PPP1R37: variants seen among roughly 807,000 people sequenced by gnomAD.
PPP1R37 encodes the protein protein phosphatase 1 regulatory subunit 37, also known as leucine rich repeat containing 68.
PPP1R37 carries 21 observed loss-of-function variants against 61.0 expected under a neutral mutation model. That is an observed-to-expected ratio of 0.34 (90% confidence interval 0.24 to 0.50). PPP1R37 has a LOEUF of 0.50. PPP1R37 is among the 20% of genes least tolerant of loss of function. PPP1R37 has a pLI of 0.98. For missense variants in PPP1R37, 910 were observed against 952.7 expected, an observed-to-expected ratio of 0.96 and a Z score of 0.59; for synonymous variants, 443 against 433.5, an observed-to-expected ratio of 1.02 and a Z score of -0.27.
At chr19:45,133,004 C>G (rs951301988) in intron 1 of PPP1R37, among the ~76,000 whole-genome samples, 1 of 152,232 alleles carries the variant, frequency 6.6e-6, no homozygotes, top group South Asian at 2.1e-4. Context: ...AGGCACGGGT[C>G]ACATTGCTTT....
In PPP1R37 at chr19:45,144,867, G is replaced by T. The variant is rs756926980; in HGVS notation, c.1001G>T (p.Ser334Ile). 1.1e-5 allele frequency: 17 copies of T among 1,534,118 alleles called. No homozygotes were observed. The highest frequency in any genetic ancestry group is 9.6e-5 in the South Asian group (8 of 83,682). ...CCCTCCCTCCAGCCGCACACTCAGA[G>T]CCTGGAGACGCTGAACCTGGGCCAC... ...FLGMTLPHTQ[S>I]LETLNLGHNP... The change falls in exon 9 of 13, where the codon AGC (serine) becomes ATC (isoleucine). Residue 334 changes from serine to isoleucine, a missense_variant. This residue lies in a region of PPP1R37 where 549 missense variants were observed against 505.1 expected (regional missense o/e 1.09). Transcript: ENST00000221462.
chr19:45,119,218 G>A (rs1431245087), intron 1 of PPP1R37, among the ~76,000 whole-genome samples: 11 of 149,370 alleles, frequency 7.4e-5, no homozygotes, highest in Admixed American at 6.7e-4. Context: ...GCAGTGACAC[G>A]ATCTCAGCTC....
Position 45,117,719 on chromosome 19 carries a change from G to A in PPP1R37, c.203-20795G>A, listed in dbSNP as rs140735539. 6.2e-3 allele frequency among the ~76,000 whole-genome samples: 952 copies of A among 152,340 alleles called. 8 individuals carry two copies. Among genetic ancestry groups the A allele is most frequent in the African/African-American group, 0.021 (891 of 41,584 alleles). On this transcript the variant is annotated intron_variant, in intron 1 of 12. Coordinates refer to ENST00000221462, the MANE Select transcript of PPP1R37 (RefSeq NM_019121.2). ...GATTGTCCCAGCCATCCCACCCAAG[G>A]CAGGGACAGGCCAGTGGGGCTACCC...
At chr19:45,134,183 T>A (rs552229044) in intron 1 of PPP1R37, among the ~76,000 whole-genome samples, 1 of 152,034 alleles carries the variant, frequency 6.6e-6, no homozygotes, top group South Asian at 2.1e-4. Flanking sequence ...TTTTCTGAAA[T>A]TTTTTTTGTA....
At chr19:45,128,896 G>A in intron 1 of PPP1R37, 1 of 677,774 alleles carries the variant, frequency 1.5e-6, no homozygotes, top group South Asian at 1.4e-5. Flanking sequence ...AGGTGCGAGA[G>A]GACCTTCTTC....
chr19:45,132,342 A>G lies in PPP1R37; in HGVS notation c.203-6172A>G, dbSNP rs185844028. ...TTTTTTTTTAAGAGAGTCTCACTCTATTGCCCAGGCTGGAGTACAGCGACA... is the reference window on the plus strand; with the variant it reads ...TTTTTTTTTAAGAGAGTCTCACTCTGTTGCCCAGGCTGGAGTACAGCGACA... On this transcript the variant is annotated intron_variant, in intron 1 of 12. Transcript: ENST00000221462. Among the ~76,000 whole-genome samples, 276 of 151,994 alleles carry G rather than the reference A, an allele frequency of 1.8e-3. 2 individuals are homozygous for G. The highest frequency in any genetic ancestry group is 5.7e-3 in the African/African-American group (235 of 41,450).
chr19:45,107,271 A>C (rs1968144307), intron 1 of PPP1R37, among the ~76,000 whole-genome samples: 1 of 151,918 alleles, frequency 6.6e-6, no homozygotes, highest in South Asian at 2.1e-4. Flanking sequence ...AGAGTTCGCG[A>C]CCAGCCTGGG....
intron 1 of PPP1R37, chr19:45,108,810 T>C (rs2122716818): frequency 6.6e-6 from 1 of 151,400 alleles, no homozygotes; most frequent in South Asian, 2.1e-4. Flanking sequence ...CCCGGCTAAT[T>C]TTGTATGTTT....
At chr19:45,115,751 G>T (rs537564220) in intron 1 of PPP1R37, among the ~76,000 whole-genome samples, 1 of 152,264 alleles carries the variant, frequency 6.6e-6, no homozygotes, top group Admixed American at 6.5e-5. Flanking sequence ...GAGGCGGGTG[G>T]ATCATCTGAG....
intron 1 of PPP1R37, among the ~76,000 whole-genome samples, chr19:45,126,163 A>T (rs896637474): frequency 6.6e-6 from 1 of 152,226 alleles, no homozygotes; most frequent in Non-Finnish European, 1.5e-5. Context: ...CTCACCTGCC[A>T]TGAGACTCCC....
In PPP1R37 at chr19:45,145,583, G is replaced by A. The variant is rs937602763; in HGVS notation, c.1527G>A (p.Ser509=). Residue 509 remains serine, a synonymous_variant, in exon 11 of 13, where the codon TCG becomes TCA. Transcript: ENST00000221462. ...CCAGCCCGGACTCAGACTCAGACTCGGACTCGGATGGGGAGGAAGAGGAGG... is the reference window on the plus strand; with the variant it reads ...CCAGCCCGGACTCAGACTCAGACTCAGACTCGGATGGGGAGGAAGAGGAGG... ...PAPSPDSDSD[S]DSDGEEEEEE... 7 of 1,535,728 alleles carry A rather than the reference G, an allele frequency of 4.6e-6. No homozygotes were observed. Among genetic ancestry groups the A allele is most frequent in the African/African-American group, 1.4e-5 (1 of 72,970 alleles).
In PPP1R37 at chr19:45,145,132, C is replaced by T. The variant is rs895090819; in HGVS notation, c.1168C>T (p.Arg390Cys). 7 of 1,534,712 alleles carry T rather than the reference C, an allele frequency of 4.6e-6. No homozygotes were observed. The highest frequency in any genetic ancestry group is 6.1e-6 in the Non-Finnish European group (7 of 1,146,228). Reference protein sequence around the residue: ...AVAEFIAESPRLLRLDLRENE... With the variant: ...AVAEFIAESPCLLRLDLRENE... ...GGCGGAGTTCATCGCTGAGAGCCCCCGCCTCCTGAGACTGGACCTTCGGGA... is the reference window on the plus strand; with the variant it reads ...GGCGGAGTTCATCGCTGAGAGCCCCTGCCTCCTGAGACTGGACCTTCGGGA... Residue 390 changes from arginine to cysteine, a missense_variant, in exon 10 of 13, where the codon CGC becomes TGC. Coordinates refer to ENST00000221462, the MANE Select transcript of PPP1R37 (RefSeq NM_019121.2).
At chr19:45,101,275 G>A (rs943114153) in intron 1 of PPP1R37, among the ~76,000 whole-genome samples, 1 of 152,228 alleles carries the variant, frequency 6.6e-6, no homozygotes, top group Admixed American at 6.5e-5. Context: ...AAGGCAGAGA[G>A]AACCAGCCTG....
At chr19:45,098,271 C>G (rs939602955) in intron 1 of PPP1R37, among the ~76,000 whole-genome samples, 3 of 152,236 alleles carry the variant, frequency 2.0e-5, no homozygotes, top group Non-Finnish European at 4.4e-5. Context: ...GACCCTTCAG[C>G]TCTTCTGAAG....
chr19:45,099,859 C>T (rs564812864), intron 1 of PPP1R37, among the ~76,000 whole-genome samples: 14 of 152,220 alleles, frequency 9.2e-5, no homozygotes, highest in Non-Finnish European at 1.9e-4. Context: ...GACGAGGACT[C>T]TTTCTCAGGG....
In PPP1R37 at chr19:45,145,791, G is replaced by A. The variant is rs1372989347; in HGVS notation, c.1735G>A (p.Glu579Lys). The change falls in exon 11 of 13, where the codon GAG becomes AAG. Residue 579 changes from glutamate (E) to lysine (K), a missense_variant. Coordinates refer to ENST00000221462, the MANE Select transcript of PPP1R37 (RefSeq NM_019121.2). ...GGTGACCCGGGTGGAGAGCCCGCCC[G>A]AGAGGGCAGAGCCCCCTGCGTCCCC... ...FVVTRVESPP[E>K]RAEPPASPTP... 1.1e-5 allele frequency: 17 copies of A among 1,503,428 alleles called. No individual in the cohort carries two copies. The highest frequency in any genetic ancestry group is 2.5e-5 in the East Asian group (1 of 40,560). 93.1% of individuals were successfully genotyped at this position (1,503,428 alleles called of 1,614,324 possible). A position where few individuals can be genotyped will look rare whatever the true frequency, so the allele number is the denominator to read the frequency against.
intron 1 of PPP1R37, among the ~76,000 whole-genome samples, chr19:45,111,521 C>T (rs952199815): frequency 2.0e-5 from 3 of 152,220 alleles, no homozygotes; most frequent in Non-Finnish European, 2.9e-5. Flanking sequence ...GGTGATCCGC[C>T]TGCCTCGATC....
chr19:45,125,246 T>A (rs191717218), intron 1 of PPP1R37, among the ~76,000 whole-genome samples: 1 of 151,984 alleles, frequency 6.6e-6, no homozygotes, highest in Non-Finnish European at 1.5e-5. Flanking sequence ...GGGCGGATCA[T>A]TAGGTCAAGA....
At chr19:45,110,233 A>G (rs1968184151) in intron 1 of PPP1R37, among the ~76,000 whole-genome samples, 1 of 150,366 alleles carries the variant, frequency 6.7e-6, no homozygotes, top group Non-Finnish European at 1.5e-5. Context: ...CTCCCGCCTC[A>G]GCCTTCTGAG....
Sources: gnomAD v4.1 joint callset for allele counts (sites outside exome capture counted in the v4.1 genomes callset) on GRCh38, gnomAD v4.1.1 for gene constraint, gnomAD v4.1.1 regional missense constraint, MANE v1.5 for transcripts, NCBI Gene and HGNC (gene_info 2026-07-23, HGNC 2026-07-21) for gene names.